SLC9A2: variants seen among roughly 807,000 people sequenced by gnomAD.
The protein encoded by SLC9A2 is sodium/hydrogen exchanger 2.
A neutral mutation model predicts 71.7 loss-of-function variants in SLC9A2; 42 were observed. The observed-to-expected ratio is 0.59, with a 90% CI of 0.46 to 0.76. The LOEUF (loss-of-function observed/expected upper bound fraction) is 0.76, where lower values mean the gene tolerates loss of function less well. Ranked by LOEUF, SLC9A2 falls within the 30% of genes least tolerant of loss-of-function variation. The probability of loss-of-function intolerance (pLI) is 0.00; values close to 1 mark genes in which losing one functional copy is unlikely to be tolerated. For missense variants in SLC9A2, 829 were observed against 1,017.4 expected (o/e 0.81, Z 2.52); for synonymous variants, 396 against 392.5 (o/e 1.01, Z -0.10).
chr2:102,634,719 T>C (rs958223482), intron 1 of SLC9A2, among the ~76,000 whole-genome samples: 2 of 152,266 alleles, frequency 1.3e-5, no homozygotes, highest in Admixed American at 6.5e-5. Flanking sequence ...TCATTTTTTT[T>C]CTGCTTTTGC....
intron 7 of SLC9A2, 86 bp downstream of exon 7, chr2:102,695,199 T>G: frequency 1.0e-6 from 1 of 960,590 alleles, no homozygotes; most frequent in Non-Finnish European, 1.7e-6. Flanking sequence ...ATTTTTTAAT[T>G]GGAAATCTTT....
rs1678036746 is a variant in SLC9A2 at position 102,708,711 on chromosome 2, A to G, written c.*222A>G. ...ATACCTTTTGTGACTAATGGGTAGC[A>G]ATCGTATTATTTGCTGGCCTGAAGA... On this transcript the variant is annotated 3_prime_UTR_variant, in exon 12 of 12. Transcript: ENST00000233969. The G allele has an allele frequency of 4.0e-6, 2 of 499,236 alleles. No homozygotes were observed. Among genetic ancestry groups the G allele is most frequent in the African/African-American group, 1.9e-5 (1 of 51,528 alleles). The allele number at this position is 499,236 out of a possible 1,614,324, so 30.9% of individuals were successfully genotyped here. A position where few individuals can be genotyped will look rare whatever the true frequency, so the allele number is the denominator to read the frequency against.
intron 7 of SLC9A2, among the ~76,000 whole-genome samples, chr2:102,695,735 A>G (rs1234557802): frequency 6.9e-6 from 1 of 144,848 alleles, no homozygotes; most frequent in East Asian, 2.0e-4. Flanking sequence ...CTAAGGATGT[A>G]AACAGATGAG....
intron 3 of SLC9A2, among the ~76,000 whole-genome samples, chr2:102,676,391 G>A (rs529509220): frequency 3.9e-5 from 6 of 152,274 alleles, no homozygotes; most frequent in Admixed American, 1.3e-4. Context: ...CTCTCTCCAC[G>A]TAACCAGAGT....
chr2:102,670,161 G>T (rs1346703442), intron 3 of SLC9A2, among the ~76,000 whole-genome samples: 2 of 146,706 alleles, frequency 1.4e-5, no homozygotes, highest in Non-Finnish European at 3.0e-5. Context: ...CTCCCGAGTA[G>T]CTGGGACTAC....
At chr2:102,632,061 C>T (rs11123940) in intron 1 of SLC9A2, among the ~76,000 whole-genome samples, 24,719 of 65,458 alleles carry the variant, frequency 0.38, 5,383 homozygotes, top group African/African-American at 0.63. Flanking sequence ...CATATATATA[C>T]ACACACATAT....
At chr2:102,698,016 A>G (rs919087620) in intron 7 of SLC9A2, among the ~76,000 whole-genome samples, 2 of 151,968 alleles carry the variant, frequency 1.3e-5, no homozygotes, top group Non-Finnish European at 2.9e-5. Flanking sequence ...GAAATGAAGC[A>G]AGGAAAACGC....
chr2:102,648,308 A>C (rs1387564847), intron 1 of SLC9A2, among the ~76,000 whole-genome samples: 1 of 152,106 alleles, frequency 6.6e-6, no homozygotes, highest in Non-Finnish European at 1.5e-5. Flanking sequence ...CATGCCAAAA[A>C]CCCTCAATAA....
chr2:102,632,556 C>T (rs1244721852), intron 1 of SLC9A2, among the ~76,000 whole-genome samples: 2 of 152,062 alleles, frequency 1.3e-5, no homozygotes, highest in African/African-American at 4.8e-5. Flanking sequence ...TGGGCTTTCT[C>T]ATCTTGATTT....
At chr2:102,658,196 T>A (rs1676983134) in intron 2 of SLC9A2, among the ~76,000 whole-genome samples, 169 bp downstream of exon 2, 1 of 152,236 alleles carries the variant, frequency 6.6e-6, no homozygotes, top group South Asian at 2.1e-4. Flanking sequence ...CACTGTCTTA[T>A]AATTCTTAAT....
At chr2:102,658,940 T>G (rs1448446116) in intron 2 of SLC9A2, among the ~76,000 whole-genome samples, 1 of 152,198 alleles carries the variant, frequency 6.6e-6, no homozygotes, top group Non-Finnish European at 1.5e-5. Context: ...ACAGTAATGA[T>G]AGCCACTAAC....
chr2:102,644,100 G>C (rs1483760404), intron 1 of SLC9A2, among the ~76,000 whole-genome samples: 1 of 151,888 alleles, frequency 6.6e-6, no homozygotes, highest in African/African-American at 2.4e-5. Flanking sequence ...TGCAGAAGGC[G>C]GGTGATATCT....
chr2:102,695,793 ATAT>A (rs1677750669), intron 7 of SLC9A2, among the ~76,000 whole-genome samples: 1 of 40,068 alleles, frequency 2.5e-5, no homozygotes, highest in Admixed American at 2.8e-4. Context: ...TATATATTAT[ATAT>A]ATATTATATA....
intron 1 of SLC9A2, among the ~76,000 whole-genome samples, chr2:102,651,416 G>C (rs1308251722): frequency 6.6e-6 from 1 of 152,176 alleles, no homozygotes; most frequent in Non-Finnish European, 1.5e-5. Flanking sequence ...GCTCCAGCCA[G>C]AGTAGCCTCT....
intron 1 of SLC9A2, among the ~76,000 whole-genome samples, chr2:102,624,981 C>T (rs887587493): frequency 6.6e-6 from 1 of 152,144 alleles, no homozygotes. Flanking sequence ...TCTGGTTTTC[C>T]TGAGGCATAT....
chr2:102,687,895 C>T (rs1447639644), intron 5 of SLC9A2, among the ~76,000 whole-genome samples: 1 of 152,056 alleles, frequency 6.6e-6, no homozygotes, highest in African/African-American at 2.4e-5. Flanking sequence ...TCTCCTGCCT[C>T]AGCCTCCCTG....
At chr2:102,653,091 T>C (rs1035820447) in intron 1 of SLC9A2, among the ~76,000 whole-genome samples, 3 of 152,228 alleles carry the variant, frequency 2.0e-5, no homozygotes, top group Non-Finnish European at 4.4e-5. Context: ...GCCCAGAAAA[T>C]CTTTTATGCC....
At chr2:102,644,321 C>G (rs2098342) in intron 1 of SLC9A2, among the ~76,000 whole-genome samples, 76,113 of 151,932 alleles carry the variant, frequency 0.5, 20,061 homozygotes, top group East Asian at 0.77. Context: ...TTGCAACCCA[C>G]AGACCAGGAG....
At chr2:102,634,463 T>A (rs1676430067) in intron 1 of SLC9A2, among the ~76,000 whole-genome samples, 1 of 152,206 alleles carries the variant, frequency 6.6e-6, no homozygotes, top group African/African-American at 2.4e-5. Flanking sequence ...AGGATAGAGT[T>A]AACACATTTA....
Sources: allele counts gnomAD v4.1 joint callset (sites outside exome capture counted in the v4.1 genomes callset), GRCh38; gene constraint gnomAD v4.1.1; transcripts MANE v1.5; gene names NCBI Gene and HGNC (gene_info 2026-07-23, HGNC 2026-07-21).